Variants in ZNF573 observed in about 807,000 individuals in gnomAD.
The protein encoded by ZNF573 is zinc finger protein 573.
In ZNF573, 41 loss-of-function variants were observed where a neutral mutation model predicts 57.4. The ratio of observed to expected loss-of-function variants is 0.71; its 90% CI spans 0.56 to 0.93. The LOEUF is 0.93. Ranked by LOEUF, ZNF573 falls within the 40% of genes least tolerant of loss-of-function variation. ZNF573 has a pLI of 0.00. For missense variants in ZNF573, 730 were observed against 794.8 expected (o/e 0.92, Z 0.98); for synonymous variants, 249 against 261.0 (o/e 0.95, Z 0.44).
At chr19:37,769,194 T>C (rs1356155291) in intron 4 of ZNF573, among the ~76,000 whole-genome samples, 1 of 147,076 alleles carries the variant, frequency 6.8e-6, no homozygotes, top group Non-Finnish European at 1.5e-5. Flanking sequence ...GGTCTTGAAC[T>C]CCTGACCTCC....
intron 4 of ZNF573, among the ~76,000 whole-genome samples, chr19:37,756,166 A>C (rs2045485836): frequency 6.6e-6 from 1 of 152,194 alleles, no homozygotes; most frequent in African/African-American, 2.4e-5. Flanking sequence ...TTTACCTAGG[A>C]TCAATGTCGG....
At position 37,739,320 on chromosome 19, in the gene ZNF573, T is replaced by C. The variant is rs1295698288; in HGVS notation, c.1170A>G (p.Gln390=). ...AACCAGTAGTATAGGTCTTCCCACATTGCTTGCATTCAAAAAGTTTCTCAC... is the reference window on the plus strand; with the variant it reads ...AACCAGTAGTATAGGTCTTCCCACACTGCTTGCATTCAAAAAGTTTCTCAC... ...HTGEKLFECK[Q]CGKTYTTGSK... is the part of the protein sequence containing the mutation. Residue 390 remains glutamine, a synonymous_variant, in exon 5 of 5, where the codon CAA becomes CAG. Coordinates refer to ENST00000536220, the MANE Select transcript of ZNF573 (RefSeq NM_001172690.2). 5 of 1,613,988 alleles carry C rather than the reference T, an allele frequency of 3.1e-6. No homozygotes were observed. The South Asian group carries it at 3.3e-5, about 11-fold the overall frequency.
chr19:37,741,133 C>T (rs963843405), intron 4 of ZNF573, among the ~76,000 whole-genome samples: 1 of 152,206 alleles, frequency 6.6e-6, no homozygotes, highest in Non-Finnish European at 1.5e-5. Flanking sequence ...TGGACTTAGA[C>T]ATTTTGTAGG....
chr19:37,745,498 G>A (rs949131381), intron 4 of ZNF573, among the ~76,000 whole-genome samples: 22 of 152,084 alleles, frequency 1.4e-4, no homozygotes, highest in African/African-American at 5.3e-4. Context: ...CGGGTTCAAC[G>A]GATTCTACTG....
chr19:37,748,785 G>A (rs2045405642), intron 4 of ZNF573, among the ~76,000 whole-genome samples: 1 of 152,052 alleles, frequency 6.6e-6, no homozygotes, highest in South Asian at 2.1e-4. Context: ...AAATTAGCCA[G>A]GCGTGGTGGC....
intron 4 of ZNF573, among the ~76,000 whole-genome samples, chr19:37,749,355 T>C (rs1411229267): frequency 6.6e-6 from 1 of 152,004 alleles, no homozygotes. Context: ...CTTGGCTTGA[T>C]GATTTTTAAA....
At position 37,739,283 on chromosome 19, in the gene ZNF573, GA is replaced by G. The variant is rs1568413995; in HGVS notation, c.1206del (p.Gln403AsnfsTer37). 1 of 1,613,744 alleles carries G rather than the reference GA, an allele frequency of 6.2e-7. No homozygotes were observed. Among genetic ancestry groups the G allele is most frequent in the Non-Finnish European group, 8.5e-7 (1 of 1,179,990 alleles). On this transcript the variant is annotated frameshift_variant, in exon 5 of 5. Coordinates refer to ENST00000536220, the MANE Select transcript of ZNF573 (RefSeq NM_001172690.2). LOFTEE classifies it high-confidence loss of function. ...GKTYTTGSKLFQHQKTHTGEK... is the reference protein window; with the variant it reads ...GKTYTTGSKLXQHQKTHTGEK... ...TCGCCAGTATGAGTTTTCTGATGTT[GA>G]AAGAGTTTTGAACCAGTAGTATAGG...
chr19:37,777,330 A>C (rs1314486308), intron 1 of ZNF573, among the ~76,000 whole-genome samples: 1 of 152,132 alleles, frequency 6.6e-6, no homozygotes, highest in Non-Finnish European at 1.5e-5. Flanking sequence ...AATTATATGA[A>C]AAAGACACTT....
chr19:37,758,329 G>A (rs1177339355), intron 4 of ZNF573: 28 of 144,786 alleles, frequency 1.9e-4, no homozygotes, highest in African/African-American at 3.6e-4. Flanking sequence ...GGCTGGACGC[G>A]GTGGCTCACG....
In ZNF573 at chr19:37,772,882, G is replaced by A. The variant is rs978064786; in HGVS notation, c.69+779C>T. On this transcript the variant is annotated intron_variant, in intron 2 of 4. Coordinates refer to ENST00000536220, the MANE Select transcript of ZNF573 (RefSeq NM_001172690.2). ...ACTCCTGGCCTCAAGTGATCCTCCC[G>A]CCTTGGCCTCCCACAGTGCTGGGAT... 7.7e-6 allele frequency: 7 copies of A among 906,586 alleles called. No individual in the cohort carries two copies. Among genetic ancestry groups the A allele is most frequent in the Non-Finnish European group, 9.2e-6 (7 of 758,298 alleles). The allele number at this position is 906,586 out of a possible 1,614,324, so 56.2% of individuals were successfully genotyped here. A position where few individuals can be genotyped will look rare whatever the true frequency, so the allele number is the denominator to read the frequency against.
At chr19:37,769,154 G>A (rs1007051513) in intron 4 of ZNF573, among the ~76,000 whole-genome samples, 13 of 151,466 alleles carry the variant, frequency 8.6e-5, no homozygotes, top group Non-Finnish European at 1.6e-4. Flanking sequence ...AAGTAGAGAC[G>A]GGGTTTCACC....
intron 4 of ZNF573, among the ~76,000 whole-genome samples, chr19:37,769,727 G>GAAAAAAAAAAAAA (rs397944905): frequency 1.8e-4 from 10 of 55,176 alleles, no homozygotes; most frequent in Non-Finnish European, 2.4e-4. Flanking sequence ...CTCTGTCTCG[G>GAAAAAAAAAAAAA]AAAAAAAAAA....
At chr19:37,768,048 G>T (rs778511463) in intron 4 of ZNF573, among the ~76,000 whole-genome samples, 23 of 151,954 alleles carry the variant, frequency 1.5e-4, no homozygotes, top group Non-Finnish European at 2.8e-4. Context: ...AAATAATCTT[G>T]TATGTCATTA....
chr19:37,740,299 A>G, intron 4 of ZNF573, 105 bp from the exon 5 acceptor site: 1 of 1,069,376 alleles, frequency 9.4e-7, no homozygotes, highest in South Asian at 1.7e-5. Flanking sequence ...TGAATGGCAT[A>G]TAGAATTCAA....
intron 1 of ZNF573, among the ~76,000 whole-genome samples, 194 bp downstream of exon 1, chr19:37,779,350 T>C (rs1052373228): frequency 6.6e-6 from 1 of 151,900 alleles, no homozygotes; most frequent in African/African-American, 2.4e-5. Context: ...TCAAATACCC[T>C]CCTCTGCTGT....
chr19:37,758,827 C>A (rs1599696812), intron 4 of ZNF573, among the ~76,000 whole-genome samples: 1 of 151,842 alleles, frequency 6.6e-6, no homozygotes, highest in African/African-American at 2.4e-5. Context: ...TGAAAAATAT[C>A]GTTAAATATA....
intron 4 of ZNF573, among the ~76,000 whole-genome samples, chr19:37,767,314 C>T (rs767519314): frequency 1.3e-5 from 2 of 152,092 alleles, no homozygotes; most frequent in African/African-American, 2.4e-5. Context: ...CTGCAAGCTC[C>T]GCCTCTCGGG....
Position 37,744,530 on chromosome 19 carries a change from G to T in ZNF573, c.296-4336C>A, listed in dbSNP as rs145148648. Reference sequence around the variant, plus strand: ...AAGCAGGAGGATCACTCAAGCCCAGGAGTTCAAGACCAGCCTGGGCAACAC... The same window carrying T: ...AAGCAGGAGGATCACTCAAGCCCAGTAGTTCAAGACCAGCCTGGGCAACAC... On this transcript the variant is annotated intron_variant, in intron 4 of 4. Transcript: ENST00000536220. 1.9e-3 allele frequency among the ~76,000 whole-genome samples: 295 copies of T among 152,094 alleles called. 5 individuals are homozygous for T. Among genetic ancestry groups the T allele is most frequent in the Admixed American group, 0.019 (284 of 15,276 alleles).
chr19:37,771,414 C>G, intron 3 of ZNF573, 150 bp downstream of exon 3: 1 of 852,690 alleles, frequency 1.2e-6, no homozygotes, highest in Non-Finnish European at 1.8e-6. Flanking sequence ...AGTGGCACAG[C>G]CATTGTCAAA....
Sources: gnomAD v4.1 joint callset for allele counts (sites outside exome capture counted in the v4.1 genomes callset) on GRCh38, gnomAD v4.1.1 for gene constraint, MANE v1.5 for transcripts, NCBI Gene and HGNC (gene_info 2026-07-23, HGNC 2026-07-21) for gene names.